Variants in TAFA1 observed in about 807,000 individuals in gnomAD.
TAFA1 encodes the protein TAFA chemokine like family member 1.
A neutral mutation model predicts 18.5 loss-of-function variants in TAFA1; 4 were observed. That is an observed-to-expected ratio of 0.22 (90% CI 0.11 to 0.49). The LOEUF is 0.49. Among genes scored for constraint, TAFA1 ranks in the 20% least tolerant of loss-of-function variants. TAFA1 has a pLI of 0.98. For missense variants in TAFA1, 147 were observed against 169.0 expected (o/e 0.87, Z 0.72); for synonymous variants, 56 against 55.2 (o/e 1.01, Z -0.06).
intron 2 of TAFA1, among the ~76,000 whole-genome samples, chr3:68,334,588 G>A (rs142058119): frequency 2.3e-4 from 35 of 152,192 alleles, no homozygotes; most frequent in African/African-American, 8.4e-4. Flanking sequence ...CTAGTTCTGA[G>A]GCATGCCCTA....
chr3:68,384,265 G>A (rs986223289), intron 2 of TAFA1, among the ~76,000 whole-genome samples: 1 of 151,992 alleles, frequency 6.6e-6, no homozygotes, highest in Non-Finnish European at 1.5e-5. Context: ...TTGTTGTGGT[G>A]TTGGGTTGTT....
At chr3:68,011,674 C>T (rs543801161) in intron 2 of TAFA1, among the ~76,000 whole-genome samples, 41 of 152,172 alleles carry the variant, frequency 2.7e-4, no homozygotes, top group Non-Finnish European at 8.8e-5. Flanking sequence ...CATATTGGCT[C>T]TTTAAGAATG....
chr3:68,014,851 G>T (rs1276523588), intron 2 of TAFA1, among the ~76,000 whole-genome samples: 1 of 152,120 alleles, frequency 6.6e-6, no homozygotes, highest in East Asian at 1.9e-4. Context: ...AGGCAAGCCA[G>T]AAATCTAAAA....
At chr3:68,067,617 T>C (rs1241529072) in intron 2 of TAFA1, among the ~76,000 whole-genome samples, 2 of 152,222 alleles carry the variant, frequency 1.3e-5, no homozygotes, top group East Asian at 1.9e-4. Flanking sequence ...ATTTTTACTG[T>C]GTTGTTATTG....
At chr3:68,191,045 C>A (rs745597205) in intron 2 of TAFA1, among the ~76,000 whole-genome samples, 1 of 151,658 alleles carries the variant, frequency 6.6e-6, no homozygotes, top group Non-Finnish European at 1.5e-5. Flanking sequence ...TATTTGGATT[C>A]AGCTGGTCTT....
At chr3:68,260,076 G>C (rs2067383443) in intron 2 of TAFA1, among the ~76,000 whole-genome samples, 2 of 152,162 alleles carry the variant, frequency 1.3e-5, no homozygotes, top group South Asian at 2.1e-4. Flanking sequence ...CTGTGGGTTT[G>C]TCATAGATAG....
At chr3:68,071,013 A>G (rs1340708424) in intron 2 of TAFA1, among the ~76,000 whole-genome samples, 1 of 152,210 alleles carries the variant, frequency 6.6e-6, no homozygotes, top group Non-Finnish European at 1.5e-5. Flanking sequence ...GAACTGTTCC[A>G]ACCTCTGTTT....
rs57372768 is a variant in TAFA1 at position 68,521,856 on chromosome 3, G to GTTTTTTTTTTTTTTTTTTTTTTT, written c.260-16880_260-16879insTTTTTTTTTTTTTTTTTTTTTTT. Among the ~76,000 whole-genome samples the GTTTTTTTTTTTTTTTTTTTTTTT allele has an allele frequency of 5.6e-5, 4 of 70,848 alleles. 1 individual carries two copies. The highest frequency in any genetic ancestry group is 9.7e-5 in the Non-Finnish European group (4 of 41,232). 46.5% of individuals were successfully genotyped at this position (70,848 alleles called of 152,430 possible). A position where few individuals can be genotyped will look rare whatever the true frequency, so the allele number is the denominator to read the frequency against. ...TCTGGGTTTTTCTGTGTTTTTTTCT[G>GTTTTTTTTTTTTTTTTTTTTTTT]TTTTTTTTTTTTTTTTTTTTGGAGA... On this transcript the variant is annotated intron_variant, in intron 3 of 4. Transcript: ENST00000478136.
chr3:68,493,402 G>C (rs995906147), intron 3 of TAFA1, among the ~76,000 whole-genome samples: 3 of 152,118 alleles, frequency 2.0e-5, no homozygotes, highest in Admixed American at 2.0e-4. Context: ...TGGACACTTG[G>C]GTTGCTACTA....
At chr3:68,439,441 A>ATATATATATATATATATATC (rs1368084224) in intron 3 of TAFA1, among the ~76,000 whole-genome samples, 1 of 128,712 alleles carries the variant, frequency 7.8e-6, no homozygotes, top group Non-Finnish European at 1.7e-5. Context: ...ATATATATAT[A>ATATATATATATATATATATC]TATGAGTTTA....
intron 2 of TAFA1, among the ~76,000 whole-genome samples, chr3:68,075,698 C>CTT (rs61592269): frequency 1.5e-4 from 21 of 139,440 alleles, no homozygotes; most frequent in African/African-American, 2.1e-4. Flanking sequence ...TCTTCTTTCC[C>CTT]TTTTTTTTTT....
At chr3:68,289,088 C>T (rs2068066756) in intron 2 of TAFA1, among the ~76,000 whole-genome samples, 1 of 152,168 alleles carries the variant, frequency 6.6e-6, no homozygotes, top group South Asian at 2.1e-4. Context: ...TATGTGACCA[C>T]TGCCTGGTGA....
intron 2 of TAFA1, among the ~76,000 whole-genome samples, chr3:68,269,118 A>T (rs1263627907): frequency 6.6e-6 from 1 of 152,114 alleles, no homozygotes; most frequent in Non-Finnish European, 1.5e-5. Flanking sequence ...TAATTCTCCC[A>T]AATTGTAATG....
chr3:68,188,541 AGT>A (rs1553650373), intron 2 of TAFA1, among the ~76,000 whole-genome samples: 1 of 148,758 alleles, frequency 6.7e-6, no homozygotes, highest in Non-Finnish European at 1.5e-5. Context: ...AGAGAGAGAG[AGT>A]ACCATCAGAA....
intron 2 of TAFA1, among the ~76,000 whole-genome samples, chr3:68,254,159 GTCTATCTATCTATCTA>G (rs1178300782): frequency 8.3e-6 from 1 of 119,834 alleles, no homozygotes; most frequent in African/African-American, 3.1e-5. Context: ...CTATCTATCT[GTCTATCTATCTATCTA>G]TCTATCTATC....
chr3:68,475,356 G>C (rs888641495), intron 3 of TAFA1, among the ~76,000 whole-genome samples: 3 of 144,282 alleles, frequency 2.1e-5, no homozygotes, highest in African/African-American at 7.8e-5. Context: ...TCCCCTTCCT[G>C]TCTCCATGTG....
chr3:68,229,837 T>C (rs1217520049), intron 2 of TAFA1, among the ~76,000 whole-genome samples: 1 of 152,224 alleles, frequency 6.6e-6, no homozygotes, highest in Non-Finnish European at 1.5e-5. Flanking sequence ...TTTCTTCATC[T>C]ATATAACGGA....
intron 2 of TAFA1, among the ~76,000 whole-genome samples, chr3:68,303,162 T>C (rs768199046): frequency 3.3e-5 from 5 of 152,188 alleles, no homozygotes; most frequent in Non-Finnish European, 5.9e-5. Context: ...TTTTACTGTA[T>C]AAAAAGCTAC....
chr3:68,058,878 G>C (rs543655391), intron 2 of TAFA1, among the ~76,000 whole-genome samples: 8 of 152,274 alleles, frequency 5.3e-5, no homozygotes, highest in Admixed American at 5.2e-4. Context: ...ACAAAGATGA[G>C]CTCTGGTGGC....
Sources: gnomAD v4.1 joint callset for allele counts (sites outside exome capture counted in the v4.1 genomes callset) on GRCh38, gnomAD v4.1.1 for gene constraint, MANE v1.5 for transcripts, NCBI Gene and HGNC (gene_info 2026-07-23, HGNC 2026-07-21) for gene names.